RASA2: variants seen among roughly 807,000 people sequenced by gnomAD.
RASA2 encodes ras GTPase-activating protein 2.
Under a neutral mutation model 118.2 loss-of-function variants are expected in RASA2, and 155 were observed. The observed-to-expected ratio is 1.31, with a 90% CI of 1.15 to 1.50. The LOEUF (loss-of-function observed/expected upper bound fraction) is 1.50, where lower values mean the gene tolerates loss of function less well. Ranked by LOEUF, RASA2 falls within the 40% of genes most tolerant of loss-of-function variation. The pLI is 0.00. For synonymous variants in RASA2, 353 were observed against 349.1 expected (o/e 1.01, Z -0.12); for missense variants, 1,016 against 1,009.6 (o/e 1.01, Z -0.09).
At chr3:141,563,865 T>A (rs895598999) in intron 9 of RASA2, among the ~76,000 whole-genome samples, 3 of 152,162 alleles carry the variant, frequency 2.0e-5, no homozygotes, top group Admixed American at 2.0e-4. Context: ...GATTTGAGTG[T>A]CCCTTGCTTA....
chr3:141,584,694 A>G (rs575558661), intron 17 of RASA2, among the ~76,000 whole-genome samples: 18 of 152,276 alleles, frequency 1.2e-4, no homozygotes, highest in African/African-American at 4.3e-4. Context: ...CTGATCACAT[A>G]AGGTCTCTGC....
chr3:141,509,426 C>G (rs1400778595), intron 1 of RASA2, among the ~76,000 whole-genome samples: 1 of 152,126 alleles, frequency 6.6e-6, no homozygotes, highest in African/African-American at 2.4e-5. Flanking sequence ...CAAAACTGCA[C>G]CTATGTGAAT....
At chr3:141,499,673 C>T (rs985246423) in intron 1 of RASA2, among the ~76,000 whole-genome samples, 1 of 152,124 alleles carries the variant, frequency 6.6e-6, no homozygotes, top group Non-Finnish European at 1.5e-5. Flanking sequence ...GATCTCAGCT[C>T]ACTGCAACCT....
At chr3:141,489,742 G>A (rs2081617747) in intron 1 of RASA2, among the ~76,000 whole-genome samples, 1 of 152,178 alleles carries the variant, frequency 6.6e-6, no homozygotes, top group South Asian at 2.1e-4. Flanking sequence ...ATGTTCAAGA[G>A]ATAATAGTCC....
At chr3:141,559,833 T>G (rs1280678892) in intron 8 of RASA2, 61 bp from the exon 9 acceptor site, 7 of 1,353,712 alleles carry the variant, frequency 5.2e-6, no homozygotes, top group Admixed American at 1.7e-5. Flanking sequence ...TGAAGCTGTT[T>G]TGTGGTGTGA....
intron 3 of RASA2, 61 bp downstream of exon 3, chr3:141,516,492 T>G (rs957651361): frequency 2.5e-6 from 3 of 1,220,502 alleles, no homozygotes; most frequent in Non-Finnish European, 3.2e-6. Flanking sequence ...ATTCGTTCTC[T>G]TAGTATAGTT....
At chr3:141,589,079 A>C (rs2083249496) in intron 19 of RASA2, among the ~76,000 whole-genome samples, 2 of 151,982 alleles carry the variant, frequency 1.3e-5, no homozygotes. Flanking sequence ...TGACCTCGTG[A>C]CCTGCCCCCT....
At chr3:141,562,945 A>C (rs915146011) in intron 9 of RASA2, among the ~76,000 whole-genome samples, 1 of 152,192 alleles carries the variant, frequency 6.6e-6, no homozygotes, top group Non-Finnish European at 1.5e-5. Context: ...TGCTGGGATT[A>C]CAGGCGTGAG....
Position 141,572,696 on chromosome 3 carries a change from AGTAACATTAAAACCTATTCTTGATGAG to A in RASA2, c.1261_1284+3del. On this transcript the variant is annotated inframe_deletion and splice_region_variant, in exon 12 of 24. Transcript: ENST00000286364. ...AAATAGTGGGAGGGCACTACCTGAA[AGTAACATTAAAACCTATTCTTGATGAG>A]GTACAGAATATATCTCCAACAATGA... is the stretch of plus-strand genomic sequence containing the variant. The A allele has an allele frequency of 6.2e-7, 1 of 1,611,558 alleles. No individual in the cohort carries two copies. The highest frequency in any genetic ancestry group is 8.5e-7 in the Non-Finnish European group (1 of 1,177,908).
At chr3:141,607,606 A>G (rs1304320289) in intron 19 of RASA2, 72 bp from the exon 20 acceptor site, 1 of 1,434,540 alleles carries the variant, frequency 7.0e-7, no homozygotes, top group South Asian at 1.6e-5. Context: ...TAAACCCTAC[A>G]GAATTAACCT....
chr3:141,611,175 T>G (rs1305017944), intron 23 of RASA2, among the ~76,000 whole-genome samples: 1 of 152,194 alleles, frequency 6.6e-6, no homozygotes, highest in East Asian at 1.9e-4. Context: ...AGTTAACTTC[T>G]ACAGTTGGTT....
Position 141,555,903 on chromosome 3 carries a change from T to G in RASA2, c.675T>G (p.Phe225Leu), listed in dbSNP as rs1165799831. The G allele has an allele frequency of 1.1e-5, 18 of 1,607,288 alleles. No individual in the cohort carries two copies. Among genetic ancestry groups the G allele is most frequent in the Admixed American group, 1.7e-5 (1 of 59,424 alleles). Residue 225 changes from phenylalanine (F) to leucine (L), a missense_variant, in exon 7 of 24, where the codon TTT (phenylalanine) becomes TTG (leucine). Phe to Leu is a conservative substitution (Grantham distance 22). Coordinates refer to ENST00000286364, the MANE Select transcript of RASA2 (RefSeq NM_006506.5). ...KTSNPQFNEIFYFEVTRSSSY... is the reference protein window; with the variant it reads ...KTSNPQFNEILYFEVTRSSSY... The stretch of plus-strand genomic sequence containing the variant: ...GCAATCCGCAGTTTAATGAAATCTT[T>G]TATTTTGAGGTAATTTTTTGTTTTA...
chr3:141,571,041 T>C lies in RASA2; in HGVS notation c.993T>C (p.Thr331=), dbSNP rs1577757902. 3 of 1,603,018 alleles carry C rather than the reference T, an allele frequency of 1.9e-6. No individual in the cohort carries two copies. The highest frequency in any genetic ancestry group is 2.5e-6 in the Non-Finnish European group (3 of 1,177,204). The change falls in exon 10 of 24, where the codon ACT becomes ACC. Residue 331 remains threonine, a synonymous_variant. Transcript: ENST00000286364. ...LPSEYYGPLK[T]LLLKSPDVQP... ...CAGAGTACTATGGTCCTTTGAAAAC[T>C]TTGCTGCTAAAATCACCAGATGTTC...
In RASA2 at chr3:141,614,509, T is replaced by A. The variant is rs118091461; in HGVS notation, c.*2196T>A. 6.6e-6 allele frequency: 1 copy of A among 152,210 alleles called. No individual in the cohort carries two copies. Among genetic ancestry groups the A allele is most frequent in the Non-Finnish European group, 1.5e-5 (1 of 68,030 alleles). 9.4% of individuals were successfully genotyped at this position (152,210 alleles called of 1,614,324 possible). ...ATGTTTTAATTTTTACTACCTGATA[T>A]TCTTTCTCTACCTTTTCCACATTTG... On this transcript the variant is annotated 3_prime_UTR_variant, in exon 24 of 24. Transcript: ENST00000286364.
At chr3:141,514,838 A>G (rs1453389484) in intron 2 of RASA2, among the ~76,000 whole-genome samples, 1 of 152,266 alleles carries the variant, frequency 6.6e-6, no homozygotes, top group Admixed American at 6.5e-5. Context: ...AAAACAGTTG[A>G]ACTACTATGT....
intron 2 of RASA2, 42 bp from the exon 3 acceptor site, chr3:141,516,281 ATTTAT>A: frequency 8.3e-7 from 1 of 1,199,402 alleles, no homozygotes; most frequent in Non-Finnish European, 1.1e-6. Flanking sequence ...ATTAATTATT[ATTTAT>A]TTTATATTAT....
intron 1 of RASA2, among the ~76,000 whole-genome samples, chr3:141,496,376 C>G (rs1301974928): frequency 1.3e-5 from 2 of 152,130 alleles, no homozygotes; most frequent in Non-Finnish European, 2.9e-5. Flanking sequence ...TCAGAGTGAA[C>G]AGGCAACCTA....
At chr3:141,487,704 C>T (rs889060603) in intron 1 of RASA2, among the ~76,000 whole-genome samples, 4 of 151,512 alleles carry the variant, frequency 2.6e-5, no homozygotes, top group African/African-American at 9.7e-5. Flanking sequence ...GGGGCTGGCC[C>T]GAGGGGAGGG....
intron 19 of RASA2, among the ~76,000 whole-genome samples, chr3:141,590,520 A>G (rs1159933492): frequency 6.6e-6 from 1 of 152,174 alleles, no homozygotes; most frequent in Non-Finnish European, 1.5e-5. Flanking sequence ...TTGAATGAAA[A>G]CGTCAGGACT....
Sources: gnomAD v4.1 joint callset for allele counts (sites outside exome capture counted in the v4.1 genomes callset) on GRCh38, gnomAD v4.1.1 for gene constraint, MANE v1.5 for transcripts, NCBI Gene and HGNC (gene_info 2026-07-23, HGNC 2026-07-21) for gene names.